Variants in PSD3 observed in about 807,000 individuals in gnomAD.
The protein encoded by PSD3 is pleckstrin and Sec7 domain containing 3.
A neutral mutation model predicts 105.5 loss-of-function variants in PSD3; 49 were observed. That is an observed-to-expected ratio of 0.46 (90% CI 0.37 to 0.59). PSD3 has a LOEUF of 0.59. Ranked by LOEUF, PSD3 falls within the 20% of genes least tolerant of loss-of-function variation. The pLI is 0.00. For missense variants in PSD3, 1,561 were observed against 1,263.8 expected, an observed-to-expected ratio of 1.24 and a Z score of -3.57; for synonymous variants, 557 against 457.8, an observed-to-expected ratio of 1.22 and a Z score of -2.77.
intron 1 of PSD3, among the ~76,000 whole-genome samples, chr8:19,082,182 G>A (rs1829665608): frequency 6.6e-6 from 1 of 152,162 alleles, no homozygotes; most frequent in Non-Finnish European, 1.5e-5. Flanking sequence ...CCAACCCTGG[G>A]CAGGGGTTCC....
chr8:19,004,437 T>C (rs1019984975), intron 1 of PSD3, among the ~76,000 whole-genome samples: 2 of 152,104 alleles, frequency 1.3e-5, no homozygotes, highest in African/African-American at 4.8e-5. Context: ...CCTCTGGTGC[T>C]CTGTTTAAGA....
chr8:19,018,661 G>T (rs116034008), upstream of PSD3, among the ~76,000 whole-genome samples: 338 of 152,328 alleles, frequency 2.2e-3, 1 homozygote, highest in African/African-American at 8.0e-3. Flanking sequence ...GAGGTGGAGA[G>T]CCACTTGGAA....
intron 8 of PSD3, among the ~76,000 whole-genome samples, chr8:18,790,305 CTTTTTTT>C (rs772350691): frequency 7.5e-6 from 1 of 133,400 alleles, no homozygotes; most frequent in African/African-American, 2.9e-5. Context: ...TTTTTCTTTT[CTTTTTTT>C]TTTTTTTTTG....
At position 18,936,060 on chromosome 8, in the gene PSD3, C is replaced by A. The variant is rs374888737; in HGVS notation, c.104G>T (p.Arg35Ile). Reference protein sequence around the residue: ...AKAKYEFLFGRSEGKAPDTSD... With the variant: ...AKAKYEFLFGISEGKAPDTSD... ...AGTATCTGGAGCTTTCCCTTCAGAT[C>A]TGCCAAATAAAAATTCATATTTGGC... The change falls in exon 2 of 16, where the codon AGA becomes ATA. Residue 35 changes from arginine (R) to isoleucine (I), a missense_variant. Transcript: ENST00000327040. 2 of 1,612,770 alleles carry A rather than the reference C, an allele frequency of 1.2e-6. No homozygotes were observed. Among genetic ancestry groups the A allele is most frequent in the Non-Finnish European group, 1.7e-6 (2 of 1,179,180 alleles).
chr8:18,556,279 G>T lies in PSD3; in HGVS notation c.2858C>A (p.Pro953His). 6.2e-7 allele frequency: 1 copy of T among 1,613,994 alleles called. No homozygotes were observed. Among genetic ancestry groups the T allele is most frequent in the East Asian group, 2.2e-5 (1 of 44,868 alleles). The change falls in exon 15 of 16, where the codon CCC (proline) becomes CAC (histidine). Residue 953 changes from proline to histidine, a missense_variant. Pro to His is a moderately conservative substitution (Grantham distance 77). Coordinates refer to ENST00000327040, the MANE Select transcript of PSD3 (RefSeq NM_015310.4). Reference sequence around the variant, plus strand: ...CTTGGCTTTGACCTTCTTGTCGGGGGGATATGAGCGGTGCTCGGCCAGCTC... The same window carrying T: ...CTTGGCTTTGACCTTCTTGTCGGGGTGATATGAGCGGTGCTCGGCCAGCTC... ...TTELAEHRSY[P>H]PDKKVKAKDV...
chr8:18,672,096 T>C (rs549305996), intron 9 of PSD3, among the ~76,000 whole-genome samples: 1 of 152,236 alleles, frequency 6.6e-6, no homozygotes, highest in Non-Finnish European at 1.5e-5. Flanking sequence ...TTTGTTAATG[T>C]CCATCTTGTT....
At chr8:18,547,163 C>T (rs1374619653) in intron 15 of PSD3, among the ~76,000 whole-genome samples, 1 of 152,038 alleles carries the variant, frequency 6.6e-6, no homozygotes, top group African/African-American at 2.4e-5. Context: ...CGGTGGAGAC[C>T]CAAGATTGGT....
chr8:18,544,639 C>A (rs1251105468), intron 15 of PSD3, among the ~76,000 whole-genome samples: 1 of 152,128 alleles, frequency 6.6e-6, no homozygotes, highest in Non-Finnish European at 1.5e-5. Flanking sequence ...CTGTGACTTT[C>A]ATTTTTTTAA....
At chr8:19,032,328 T>C (rs1223323377) in intron 1 of PSD3, among the ~76,000 whole-genome samples, 1 of 152,140 alleles carries the variant, frequency 6.6e-6, no homozygotes, top group African/African-American at 2.4e-5. Flanking sequence ...ATATGTTAAA[T>C]AAAATATTTA....
intron 2 of PSD3, among the ~76,000 whole-genome samples, chr8:18,912,238 C>A (rs1328586541): frequency 6.6e-6 from 1 of 152,122 alleles, no homozygotes; most frequent in East Asian, 1.9e-4. Context: ...GGGATTTTGA[C>A]AAACCTCCAG....
intron 3 of PSD3, among the ~76,000 whole-genome samples, chr8:18,870,104 T>G (rs1260322031): frequency 1.3e-5 from 2 of 150,988 alleles, no homozygotes. Context: ...GGGAGGGGAG[T>G]GGGAAGGATC....
At chr8:18,729,531 C>A (rs766417807) in intron 9 of PSD3, among the ~76,000 whole-genome samples, 5 of 152,100 alleles carry the variant, frequency 3.3e-5, no homozygotes, top group Admixed American at 3.3e-4. Context: ...CATGCAACAA[C>A]CATAAAACGA....
chr8:18,738,591 T>C (rs1419432938), intron 9 of PSD3, among the ~76,000 whole-genome samples: 1 of 152,154 alleles, frequency 6.6e-6, no homozygotes, highest in East Asian at 1.9e-4. Flanking sequence ...ACAGTAATCA[T>C]TATCAGAAAT....
intron 1 of PSD3, among the ~76,000 whole-genome samples, chr8:19,057,353 TC>T (rs1477299613): frequency 6.6e-6 from 1 of 152,142 alleles, no homozygotes; most frequent in Non-Finnish European, 1.5e-5. Context: ...TCTCTTGACC[TC>T]TTGTCAAGGT....
chr8:18,565,435 T>C (rs1801678392), intron 14 of PSD3, among the ~76,000 whole-genome samples: 1 of 152,166 alleles, frequency 6.6e-6, no homozygotes, highest in African/African-American at 2.4e-5. Flanking sequence ...AGCAGAGTTG[T>C]TCAGAAAGTA....
intron 9 of PSD3, among the ~76,000 whole-genome samples, chr8:18,657,762 T>G (rs764280973): frequency 3.9e-5 from 6 of 152,194 alleles, no homozygotes; most frequent in Non-Finnish European, 7.3e-5. Flanking sequence ...CAAGTAACAG[T>G]GGGCTGAGAA....
chr8:18,843,087 G>A (rs1814784361), intron 4 of PSD3, among the ~76,000 whole-genome samples: 1 of 152,136 alleles, frequency 6.6e-6, no homozygotes, highest in African/African-American at 2.4e-5. Context: ...TAGTATTAGA[G>A]GAACCCAGTA....
At chr8:18,752,501 AATATATATAATATATGTAAT>A (rs1805590514) in intron 9 of PSD3, among the ~76,000 whole-genome samples, 1 of 88,652 alleles carries the variant, frequency 1.1e-5, no homozygotes, top group Admixed American at 1.9e-4. Context: ...TAATATATAT[AATATATATAATATATGTAAT>A]ATATATAATT....
At chr8:18,582,857 G>A (rs556944448) in intron 12 of PSD3, among the ~76,000 whole-genome samples, 50 of 138,700 alleles carry the variant, frequency 3.6e-4, no homozygotes, top group Middle Eastern at 3.8e-3. Flanking sequence ...ACAGAGTCTC[G>A]CTCTGTCACC....
Sources: allele counts gnomAD v4.1 joint callset (sites outside exome capture counted in the v4.1 genomes callset), GRCh38; gene constraint gnomAD v4.1.1; transcripts MANE v1.5; gene names NCBI Gene and HGNC (gene_info 2026-07-23, HGNC 2026-07-21).